ZNF793: variants seen among roughly 807,000 people sequenced by gnomAD.
ZNF793 encodes zinc finger protein 793.
ZNF793 carries 5 observed loss-of-function variants against 12.4 expected under a neutral mutation model. That is an observed-to-expected ratio of 0.40 (90% confidence interval 0.21 to 0.84). ZNF793 has a LOEUF of 0.84. Ranked by LOEUF, ZNF793 falls within the 40% of genes least tolerant of loss-of-function variation. ZNF793 has a pLI of 0.35. For missense variants in ZNF793, 456 were observed against 495.0 expected (o/e 0.92, Z 0.75); for synonymous variants, 162 against 172.4 (o/e 0.94, Z 0.47).
At chr19:37,506,857 G>A (rs1183211073), upstream of ZNF793, 1 of 152,314 alleles carries the variant, frequency 6.6e-6, no homozygotes, top group East Asian at 1.9e-4. Flanking sequence ...ACAGCTTTGA[G>A]AAACCCAGAA....
chr19:37,522,234 G>A lies in ZNF793; in HGVS notation c.-146-298G>A, dbSNP rs534186719. Among the ~76,000 whole-genome samples the A allele has an allele frequency of 1.6e-4, 25 of 152,236 alleles. No individual in the cohort carries two copies. The East Asian group carries it at 4.4e-3, about 27-fold the overall frequency. On this transcript the variant is annotated intron_variant, in intron 3 of 7. Transcript: ENST00000627814. The stretch of plus-strand genomic sequence containing the variant: ...TTTTTTGAGACCAAGTCTCGCTCTT[G>A]TCACCCAGGTTGGAGTGCAATGGCG...
chr19:37,537,903 T>C lies in ZNF793; in HGVS notation c.*24T>C. 4 of 1,480,294 alleles carry C rather than the reference T, an allele frequency of 2.7e-6. No individual in the cohort carries two copies. Among genetic ancestry groups the C allele is most frequent in the Non-Finnish European group, 3.6e-6 (4 of 1,117,780 alleles). 91.7% of individuals were successfully genotyped at this position (1,480,294 alleles called of 1,614,324 possible). ...GAGCAAAATATCTGGTTTCATGGTATGTAGGGAATTTTTTTTTTTTTTTTT... is the reference window on the plus strand; with the variant it reads ...GAGCAAAATATCTGGTTTCATGGTACGTAGGGAATTTTTTTTTTTTTTTTT... On this transcript the variant is annotated 3_prime_UTR_variant, in exon 8 of 8. Coordinates refer to ENST00000627814, the MANE Select transcript of ZNF793 (RefSeq NM_001013659.3).
chr19:37,523,476 C>A, intron 5 of ZNF793, 22 bp downstream of exon 5: 1 of 1,612,376 alleles, frequency 6.2e-7, no homozygotes, highest in Non-Finnish European at 8.5e-7. Flanking sequence ...ATTAAGTAGC[C>A]CAGTTTTCCT....
chr19:37,530,017 A>T (rs943885477), intron 5 of ZNF793, among the ~76,000 whole-genome samples: 2 of 151,828 alleles, frequency 1.3e-5, no homozygotes, highest in African/African-American at 4.8e-5. Flanking sequence ...GGGATGTGGC[A>T]GGGTCATAGG....
intron 1 of ZNF793, among the ~76,000 whole-genome samples, chr19:37,507,512 T>C (rs2042259735): frequency 6.6e-6 from 1 of 152,106 alleles, no homozygotes; most frequent in South Asian, 2.1e-4. Context: ...GTGATGAATG[T>C]TTGGAGAAAT....
intron 2 of ZNF793, among the ~76,000 whole-genome samples, chr19:37,516,396 A>T (rs775008338): frequency 2.6e-5 from 4 of 152,122 alleles, no homozygotes; most frequent in Non-Finnish European, 5.9e-5. Context: ...CGGCCTCCCA[A>T]GTGCTGGGAT....
chr19:37,508,556 A>G (rs2147049778), intron 2 of ZNF793, among the ~76,000 whole-genome samples, 153 bp downstream of exon 2: 1 of 152,196 alleles, frequency 6.6e-6, no homozygotes, highest in East Asian at 1.9e-4. Flanking sequence ...AAACACAAAA[A>G]TTAGCCGGGC....
intron 2 of ZNF793, among the ~76,000 whole-genome samples, chr19:37,518,905 G>A (rs1021594578): frequency 6.6e-6 from 1 of 152,032 alleles, no homozygotes; most frequent in African/African-American, 2.4e-5. Context: ...TTATTTTAGC[G>A]AGACTAATTA....
rs1165683629 is a variant in ZNF793 at position 37,538,489 on chromosome 19, C to CAGGCTGGTCTCTTTGGCT, written c.*622_*639dup. On this transcript the variant is annotated 3_prime_UTR_variant, in exon 8 of 8. Transcript: ENST00000627814. Reference sequence around the variant, plus strand: ...AGAGATGGGGTTTCACCATGTTGGTCAGGCTGGTCTCTTTGGCTAGGCTGG... The same window carrying CAGGCTGGTCTCTTTGGCT: ...AGAGATGGGGTTTCACCATGTTGGTCAGGCTGGTCTCTTTGGCTAGGCTGGTCTCTTTGGCTAGGCTGG... 6.6e-6 allele frequency: 1 copy of CAGGCTGGTCTCTTTGGCT among 152,268 alleles called. No homozygotes were observed. The highest frequency in any genetic ancestry group is 2.4e-5 in the African/African-American group (1 of 41,434). The allele number at this position is 152,268 out of a possible 1,614,324, so 9.4% of individuals were successfully genotyped here.
chr19:37,529,193 G>C (rs1176483144), intron 5 of ZNF793, among the ~76,000 whole-genome samples: 2 of 152,154 alleles, frequency 1.3e-5, no homozygotes, highest in African/African-American at 4.8e-5. Context: ...TAGTAGGTGT[G>C]TGTATTTATG....
chr19:37,511,878 T>G (rs1390172585), intron 2 of ZNF793, among the ~76,000 whole-genome samples: 1 of 152,150 alleles, frequency 6.6e-6, no homozygotes, highest in Non-Finnish European at 1.5e-5. Flanking sequence ...TTTCAGTCCC[T>G]TGGTCAAAAT....
intron 2 of ZNF793, among the ~76,000 whole-genome samples, chr19:37,516,580 C>G (rs1423697647): frequency 6.6e-6 from 1 of 152,126 alleles, no homozygotes; most frequent in African/African-American, 2.4e-5. Flanking sequence ...TGGTGCCCAT[C>G]AGATGGCTGC....
At position 37,522,446 on chromosome 19, in the gene ZNF793, C is replaced by T. The variant is rs2042383522; in HGVS notation, c.-146-86C>T. ...CTCCTGACCTCAGGCGATGTACCCA[C>T]CTCGGCCTCCCAAAGTGCTGGGATT... On this transcript the variant is annotated intron_variant, in intron 3 of 7. Transcript: ENST00000627814. 3 of 152,358 alleles carry T rather than the reference C, an allele frequency of 2.0e-5. No individual in the cohort carries two copies. The South Asian group carries it at 6.2e-4, about 32-fold the overall frequency. 9.4% of individuals were successfully genotyped at this position (152,358 alleles called of 1,614,324 possible). A position where few individuals can be genotyped will look rare whatever the true frequency, so the allele number is the denominator to read the frequency against.
At chr19:37,528,839 C>A (rs1055203795) in intron 5 of ZNF793, among the ~76,000 whole-genome samples, 4 of 152,178 alleles carry the variant, frequency 2.6e-5, no homozygotes, top group Non-Finnish European at 5.9e-5. Context: ...ATATTAGTGT[C>A]CCTTGGAGCT....
At position 37,540,759 on chromosome 19, in the gene ZNF793, G is replaced by T. The variant is rs1028384584; in HGVS notation, c.*2880G>T. ...CCAATAAATGAAAAGACTATTTTTTGAGTTAACTTTTCTAAGAAGACAGGG... is the reference window on the plus strand; with the variant it reads ...CCAATAAATGAAAAGACTATTTTTTTAGTTAACTTTTCTAAGAAGACAGGG... On this transcript the variant is annotated 3_prime_UTR_variant, in exon 8 of 8. Transcript: ENST00000627814. 6.6e-6 allele frequency: 1 copy of T among 151,740 alleles called. No individual in the cohort carries two copies. Among genetic ancestry groups the T allele is most frequent in the African/African-American group, 2.4e-5 (1 of 41,340 alleles). 9.4% of individuals were successfully genotyped at this position (151,740 alleles called of 1,614,324 possible).
chr19:37,542,549 C>T lies in ZNF793; in HGVS notation c.*4670C>T. The T allele has an allele frequency of 2.9e-6, 1 of 339,574 alleles. No individual in the cohort carries two copies. The highest frequency in any genetic ancestry group is 5.9e-6 in the Non-Finnish European group (1 of 169,290). The allele number at this position is 339,574 out of a possible 1,614,324, so 21.0% of individuals were successfully genotyped here. ...AAAATTGTTCTTAATGGCAAAAAAA[C>T]CCCCAAAACCAAAGCAAACACTAGA... On this transcript the variant is annotated 3_prime_UTR_variant, in exon 8 of 8. Transcript: ENST00000627814.
At chr19:37,508,639 G>A (rs1440079274) in intron 2 of ZNF793, among the ~76,000 whole-genome samples, 1 of 152,154 alleles carries the variant, frequency 6.6e-6, no homozygotes, top group Non-Finnish European at 1.5e-5. Context: ...CCAAGAGGTG[G>A]AGATTGCAGT....
chr19:37,534,193 A>G (rs16973544), intron 7 of ZNF793: 1 of 151,866 alleles, frequency 6.6e-6, no homozygotes, highest in African/African-American at 2.4e-5. Context: ...GTTACTATCT[A>G]TTTCCCTGGC....
chr19:37,538,780 G>T lies in ZNF793; in HGVS notation c.*901G>T, dbSNP rs1376635364. 2.0e-5 allele frequency: 3 copies of T among 152,188 alleles called. No individual in the cohort carries two copies. Among genetic ancestry groups the T allele is most frequent in the Non-Finnish European group, 4.4e-5 (3 of 68,042 alleles). 9.4% of individuals were successfully genotyped at this position (152,188 alleles called of 1,614,324 possible). ...TGAAGAGACTTAAAGGCATACTCTGGTATATTCCACAGTGAGCCATACAAT... is the reference window on the plus strand; with the variant it reads ...TGAAGAGACTTAAAGGCATACTCTGTTATATTCCACAGTGAGCCATACAAT... On this transcript the variant is annotated 3_prime_UTR_variant, in exon 8 of 8. Coordinates refer to ENST00000627814, the MANE Select transcript of ZNF793 (RefSeq NM_001013659.3).
Sources: gnomAD v4.1 joint callset for allele counts (sites outside exome capture counted in the v4.1 genomes callset) on GRCh38, gnomAD v4.1.1 for gene constraint, MANE v1.5 for transcripts, NCBI Gene and HGNC (gene_info 2026-07-23, HGNC 2026-07-21) for gene names.